The following MANBA variants were observed in gnomAD, a reference collection of about 807,000 sequenced individuals.
The protein encoded by MANBA is mannosidase beta, also known as beta-mannosidase.
MANBA carries 83 observed loss-of-function variants against 111.1 expected under a neutral mutation model. That is an observed-to-expected ratio of 0.75 (90% confidence interval 0.63 to 0.90). The LOEUF (loss-of-function observed/expected upper bound fraction) is 0.90. Among genes scored for constraint, MANBA ranks in the 40% least tolerant of loss-of-function variants. MANBA has a pLI of 0.00. For missense variants in MANBA, 1,036 were observed against 1,069.0 expected (o/e 0.97, Z 0.43); for synonymous variants, 370 against 378.7 (o/e 0.98, Z 0.27).
intron 11 of MANBA, among the ~76,000 whole-genome samples, chr4:102,659,802 C>G (rs1197997974): frequency 6.6e-6 from 1 of 152,134 alleles, no homozygotes; most frequent in African/African-American, 2.4e-5. Context: ...CAATAAATGA[C>G]CCTATTTACC....
In MANBA at chr4:102,635,933, C is replaced by G. The variant is rs757137172; in HGVS notation, c.2089G>C (p.Glu697Gln). ...FFAPLLPVGFENENTFYIYGV... is the reference protein window; with the variant it reads ...FFAPLLPVGFQNENTFYIYGV... Reference sequence around the variant, plus strand: ...TAGATATAGAACGTGTTTTCATTCTCAAAGCCTACTGGCAACAGTGGAGCA... The same window carrying G: ...TAGATATAGAACGTGTTTTCATTCTGAAAGCCTACTGGCAACAGTGGAGCA... The change falls in exon 15 of 17, where the codon GAG (glutamate) becomes CAG (glutamine). Residue 697 changes from glutamate to glutamine, a missense_variant. By Grantham distance (29) the Glu-to-Gln change is conservative. Coordinates refer to ENST00000647097, the MANE Select transcript of MANBA (RefSeq NM_005908.4). The G allele has an allele frequency of 6.2e-7, 1 of 1,612,148 alleles. No individual in the cohort carries two copies. Among genetic ancestry groups the G allele is most frequent in the South Asian group, 1.1e-5 (1 of 91,024 alleles).
At chr4:102,676,200 G>A (rs1306015719) in intron 7 of MANBA, among the ~76,000 whole-genome samples, 1 of 152,144 alleles carries the variant, frequency 6.6e-6, no homozygotes, top group Non-Finnish European at 1.5e-5. Flanking sequence ...TGTGCGTTAT[G>A]CAATGGAACA....
chr4:102,754,064 T>A, intron 1 of MANBA: 1 of 262,110 alleles, frequency 3.8e-6, no homozygotes. Flanking sequence ...AGAAGATGAA[T>A]TAGAAATGCC....
intron 1 of MANBA, among the ~76,000 whole-genome samples, chr4:102,753,279 T>TAA (rs140361972): frequency 0.018 from 2,677 of 152,240 alleles, 71 homozygotes; most frequent in African/African-American, 0.054. Flanking sequence ...GATAAACACT[T>TAA]TTTTACAGTG....
intron 2 of MANBA, 43 bp from the exon 3 acceptor site, chr4:102,724,010 T>G: frequency 9.8e-7 from 1 of 1,015,970 alleles, no homozygotes; most frequent in East Asian, 2.5e-5. Context: ...GTGTAAAGCA[T>G]TAACTTAGAT....
At chr4:102,656,077 A>G (rs1730545427) in intron 12 of MANBA, among the ~76,000 whole-genome samples, 1 of 151,894 alleles carries the variant, frequency 6.6e-6, no homozygotes, top group Admixed American at 6.6e-5. Context: ...ATTTGGTGAA[A>G]CTCCGTCTCT....
At chr4:102,748,258 C>T (rs191856755) in intron 1 of MANBA, among the ~76,000 whole-genome samples, 1 of 152,328 alleles carries the variant, frequency 6.6e-6, no homozygotes, top group Non-Finnish European at 1.5e-5. Context: ...ATCATACCTA[C>T]ATGCCTCACA....
intron 1 of MANBA, among the ~76,000 whole-genome samples, chr4:102,731,911 C>A (rs1002046278): frequency 6.6e-6 from 1 of 151,236 alleles, no homozygotes. Flanking sequence ...ACTCTTTTTA[C>A]ACTTTTTTTT....
chr4:102,659,206 T>A (rs530140969), intron 11 of MANBA, among the ~76,000 whole-genome samples: 2 of 152,152 alleles, frequency 1.3e-5, no homozygotes, highest in South Asian at 4.2e-4. Flanking sequence ...CTTGGAAGAG[T>A]AGATGGCAAT....
At chr4:102,646,270 C>G (rs981917713) in intron 13 of MANBA, among the ~76,000 whole-genome samples, 2 of 152,012 alleles carry the variant, frequency 1.3e-5, no homozygotes, top group Admixed American at 1.3e-4. Context: ...TCTTTCATTC[C>G]CCTCCTTTGC....
chr4:102,675,433 T>G (rs1731683610), intron 7 of MANBA, among the ~76,000 whole-genome samples: 1 of 152,194 alleles, frequency 6.6e-6, no homozygotes, highest in Non-Finnish European at 1.5e-5. Context: ...TTAACTCAGT[T>G]TGTTCTCAGT....
chr4:102,660,039 C>T (rs1730855940), intron 11 of MANBA, among the ~76,000 whole-genome samples: 2 of 152,188 alleles, frequency 1.3e-5, no homozygotes, highest in Admixed American at 1.3e-4. Context: ...CACTTGACCT[C>T]ATGTTCACCA....
chr4:102,724,022 A>G, intron 2 of MANBA, 55 bp from the exon 3 acceptor site: 1 of 946,152 alleles, frequency 1.1e-6, no homozygotes, highest in Non-Finnish European at 1.7e-6. Context: ...AACTTAGATA[A>G]GTCTCTTTTT....
intron 7 of MANBA, among the ~76,000 whole-genome samples, chr4:102,679,297 C>A (rs1281566326): frequency 1.3e-5 from 2 of 151,890 alleles, no homozygotes; most frequent in Non-Finnish European, 2.9e-5. Flanking sequence ...TATCTGACAC[C>A]AGATAGGATC....
At chr4:102,756,365 A>G (rs1296744821) in intron 1 of MANBA, among the ~76,000 whole-genome samples, 15 of 152,182 alleles carry the variant, frequency 9.9e-5, no homozygotes, top group African/African-American at 3.6e-4. Context: ...TGAGCAAACT[A>G]TCACAAGGAC....
chr4:102,747,897 T>A (rs879376287), intron 1 of MANBA, among the ~76,000 whole-genome samples: 1 of 152,168 alleles, frequency 6.6e-6, no homozygotes, highest in African/African-American at 2.4e-5. Context: ...TATGCAAGGT[T>A]TTCAAGGAGA....
chr4:102,720,049 T>C (rs143460082), intron 4 of MANBA, among the ~76,000 whole-genome samples: 1 of 152,366 alleles, frequency 6.6e-6, no homozygotes, highest in East Asian at 1.9e-4. Context: ...CATATGGATA[T>C]ATGTATAACA....
At position 102,674,039 on chromosome 4, in the gene MANBA, T is replaced by C. The variant is rs373069285; in HGVS notation, c.992A>G (p.Glu331Gly). 1.1e-5 allele frequency: 18 copies of C among 1,601,850 alleles called. No homozygotes were observed. Among genetic ancestry groups the C allele is most frequent in the Non-Finnish European group, 1.3e-5 (15 of 1,169,006 alleles). ...CAAACCAGGAGACCCTTTTATAGGC[T>C]CTTCTATAAGTTCCACTGTCCTAAA... ...VYFRTVELIE[E>G]PIKGSPGLSF... The change falls in exon 8 of 17, where the codon GAG becomes GGG. Residue 331 changes from glutamate (E) to glycine (G), a missense_variant. Coordinates refer to ENST00000647097, the MANE Select transcript of MANBA (RefSeq NM_005908.4).
chr4:102,641,433 T>C lies in MANBA; in HGVS notation c.1870-1576A>G, dbSNP rs145381632. Among the ~76,000 whole-genome samples, 393 of 152,282 alleles carry C rather than the reference T, an allele frequency of 2.6e-3. 1 individual carries two copies. Among genetic ancestry groups the C allele is most frequent in the Non-Finnish European group, 2.4e-3 (163 of 68,008 alleles). On this transcript the variant is annotated intron_variant, in intron 13 of 16. Transcript: ENST00000647097. ...TGAGCAGATTTACATTTCCAAAAGA[T>C]GACTGAGACTACTGAAGGAGGAAGG...
Sources: gnomAD v4.1 joint callset for allele counts (sites outside exome capture counted in the v4.1 genomes callset) on GRCh38, gnomAD v4.1.1 for gene constraint, MANE v1.5 for transcripts, NCBI Gene and HGNC (gene_info 2026-07-23, HGNC 2026-07-21) for gene names.